Variants in COL5A2 observed in about 807,000 individuals in gnomAD.
The protein encoded by COL5A2 is collagen type V alpha 2 chain, also known as collagen alpha-2(V) chain.
A neutral mutation model predicts 208.2 loss-of-function variants in COL5A2; 23 were observed. The observed-to-expected ratio is 0.11, with a 90% CI of 0.08 to 0.16. The LOEUF (loss-of-function observed/expected upper bound fraction) is 0.16, where lower values mean the gene tolerates loss of function less well. Among genes scored for constraint, COL5A2 ranks in the 10% least tolerant of loss-of-function variants. The pLI, the probability that COL5A2 is intolerant of heterozygous loss-of-function variation, is 1.00. For missense variants in COL5A2, 1,590 were observed against 1,956.4 expected, an observed-to-expected ratio of 0.81 and a Z score of 3.53; for synonymous variants, 625 against 628.5, an observed-to-expected ratio of 0.99 and a Z score of 0.08.
intron 1 of COL5A2, among the ~76,000 whole-genome samples, chr2:189,174,668 G>A (rs944555199): frequency 6.6e-6 from 1 of 152,160 alleles, no homozygotes; most frequent in Non-Finnish European, 1.5e-5. Flanking sequence ...AAGTAGAGGG[G>A]TCTAGAATCT....
At chr2:189,048,665 TAAGA>T (rs1382978867) in intron 44 of COL5A2, among the ~76,000 whole-genome samples, 2 of 152,202 alleles carry the variant, frequency 1.3e-5, no homozygotes, top group Non-Finnish European at 2.9e-5. Context: ...TAAACTACTT[TAAGA>T]AATAGTCTTC....
chr2:189,315,435 A>G, the COL5A2 span, among the ~76,000 whole-genome samples: 1 of 152,192 alleles, frequency 6.6e-6, no homozygotes. Context: ...AAATACCTCA[A>G]AATAATAAGA....
intron 1 of COL5A2, among the ~76,000 whole-genome samples, chr2:189,199,937 T>A (rs1240913935): frequency 6.6e-6 from 1 of 152,170 alleles, no homozygotes; most frequent in African/African-American, 2.4e-5. Flanking sequence ...TTTATTGGGG[T>A]TAGGCCAATG....
At chr2:189,062,984 T>A in intron 28 of COL5A2, 26 bp downstream of exon 28, 1 of 1,614,108 alleles carries the variant, frequency 6.2e-7, no homozygotes, top group Non-Finnish European at 8.5e-7. Flanking sequence ...TACATTATTT[T>A]TCTTTAGCAG....
chr2:189,299,746 T>A, the COL5A2 span, among the ~76,000 whole-genome samples: 287 of 152,306 alleles, frequency 1.9e-3, no homozygotes, highest in Non-Finnish European at 3.3e-3. Context: ...TTTGTTTCAA[T>A]TCCAAAGCAA....
chr2:189,248,926 TAA>T, the COL5A2 span, among the ~76,000 whole-genome samples: 1 of 152,150 alleles, frequency 6.6e-6, no homozygotes, highest in Non-Finnish European at 1.5e-5. Flanking sequence ...GTGGCTATCT[TAA>T]GAGATAATTC....
the COL5A2 span, among the ~76,000 whole-genome samples, chr2:189,392,638 G>C: frequency 6.6e-6 from 1 of 152,098 alleles, no homozygotes; most frequent in Non-Finnish European, 1.5e-5. Context: ...AAAAAGCTTA[G>C]TCCCAGCCTT....
chr2:189,324,308 G>A, the COL5A2 span, among the ~76,000 whole-genome samples: 14 of 152,264 alleles, frequency 9.2e-5, no homozygotes, highest in East Asian at 1.2e-3. Flanking sequence ...AGCCAAAATT[G>A]ACAAATGGGA....
In COL5A2 at chr2:189,085,228, A is replaced by G; in HGVS notation, c.745-15T>C. The G allele has an allele frequency of 6.2e-7, 1 of 1,603,200 alleles. No homozygotes were observed. Among genetic ancestry groups the G allele is most frequent in the Non-Finnish European group, 8.5e-7 (1 of 1,173,322 alleles). ...CCAATCGGACCCTAATAACAGAACA[A>G]AACAAAAGGAAAAAAAGAATATTTA... is the stretch of plus-strand genomic sequence containing the variant. On this transcript the variant is annotated splice_polypyrimidine_tract_variant and intron_variant, in intron 10 of 53. Coordinates refer to ENST00000374866, the MANE Select transcript of COL5A2 (RefSeq NM_000393.5).
At chr2:189,068,959 T>C in intron 18 of COL5A2, 75 bp from the exon 19 acceptor site, 2 of 1,077,354 alleles carry the variant, frequency 1.9e-6, no homozygotes, top group Non-Finnish European at 2.8e-6. Flanking sequence ...ACCGCTTATT[T>C]GGAATTTTAC....
At chr2:189,383,213 G>A in the COL5A2 span, among the ~76,000 whole-genome samples, 1 of 152,156 alleles carries the variant, frequency 6.6e-6, no homozygotes, top group Admixed American at 6.5e-5. Context: ...AGTTCTAAAG[G>A]CTGTAAGTCC....
At chr2:189,394,193 A>C in the COL5A2 span, among the ~76,000 whole-genome samples, 1 of 152,210 alleles carries the variant, frequency 6.6e-6, no homozygotes, top group Non-Finnish European at 1.5e-5. Context: ...TTTAACCTAA[A>C]GTAGGTAATA....
At chr2:189,064,397 A>G (rs923627338) in intron 25 of COL5A2, among the ~76,000 whole-genome samples, 160 bp downstream of exon 25, 2 of 152,216 alleles carry the variant, frequency 1.3e-5, no homozygotes, top group African/African-American at 4.8e-5. Flanking sequence ...ATAACAAACC[A>G]GTATTTTTTA....
intron 19 of COL5A2, 108 bp downstream of exon 19, chr2:189,068,678 A>G: frequency 2.5e-6 from 2 of 792,550 alleles, no homozygotes; most frequent in Non-Finnish European, 2.2e-6. Flanking sequence ...TACCCCCTAA[A>G]TATGTACAAA....
chr2:189,041,701 A>G lies in COL5A2; in HGVS notation c.3526-8T>C. On this transcript the variant is annotated splice_polypyrimidine_tract_variant and splice_region_variant and intron_variant, in intron 49 of 53. Transcript: ENST00000374866. ...AACTGGGCCTGGAGGACCCTGCAAGAAACAAAGACTGTAGTTTAGATTCTA... is the reference window on the plus strand; with the variant it reads ...AACTGGGCCTGGAGGACCCTGCAAGGAACAAAGACTGTAGTTTAGATTCTA... The G allele has an allele frequency of 1.9e-6, 3 of 1,603,228 alleles. No homozygotes were observed. Among genetic ancestry groups the G allele is most frequent in the Non-Finnish European group, 1.7e-6 (2 of 1,170,124 alleles).
At chr2:189,249,324 C>A in the COL5A2 span, among the ~76,000 whole-genome samples, 2 of 152,060 alleles carry the variant, frequency 1.3e-5, no homozygotes, top group Admixed American at 1.3e-4. Flanking sequence ...ATTCTTTCTC[C>A]AGTTGGTCTT....
intron 2 of COL5A2, 34 bp from the exon 3 acceptor site, chr2:189,104,311 T>C: frequency 7.2e-7 from 1 of 1,386,368 alleles, no homozygotes; most frequent in Non-Finnish European, 1.0e-6. Context: ...TGTTATTTTA[T>C]GAGGAAACAA....
chr2:189,314,837 T>C, the COL5A2 span, among the ~76,000 whole-genome samples: 23 of 151,780 alleles, frequency 1.5e-4, no homozygotes, highest in Admixed American at 1.0e-3. Flanking sequence ...CTAGAAAAAA[T>C]AGATAAATTT....
At chr2:189,203,825 T>C (rs1689109432) in intron 1 of COL5A2, among the ~76,000 whole-genome samples, 1 of 152,024 alleles carries the variant, frequency 6.6e-6, no homozygotes, top group African/African-American at 2.4e-5. Context: ...TGCTAGAAAA[T>C]TATTGAGAAT....
Sources: allele counts gnomAD v4.1 joint callset (sites outside exome capture counted in the v4.1 genomes callset), GRCh38; gene constraint gnomAD v4.1.1; transcripts MANE v1.5; gene names NCBI Gene and HGNC (gene_info 2026-07-23, HGNC 2026-07-21).